LIMCH1: variants seen among roughly 807,000 people sequenced by gnomAD.
LIMCH1 encodes LIM and calponin homology domains 1.
Under a neutral mutation model 176.5 loss-of-function variants are expected in LIMCH1, and 113 were observed. That is an observed-to-expected ratio of 0.64 (90% confidence interval 0.55 to 0.75). LIMCH1 has a LOEUF of 0.75. Ranked by LOEUF, LIMCH1 falls within the 30% of genes least tolerant of loss-of-function variation. LIMCH1 has a pLI of 0.00. For missense variants in LIMCH1, 1,674 were observed against 1,814.9 expected, an observed-to-expected ratio of 0.92 and a Z score of 1.41; for synonymous variants, 619 against 645.9, an observed-to-expected ratio of 0.96 and a Z score of 0.63.
At chr4:41,471,322 C>G (rs2066928097) in intron 1 of LIMCH1, among the ~76,000 whole-genome samples, 1 of 152,176 alleles carries the variant, frequency 6.6e-6, no homozygotes, top group African/African-American at 2.4e-5. Flanking sequence ...GCTTTAGAAG[C>G]TGACTCACCT....
intron 1 of LIMCH1, among the ~76,000 whole-genome samples, chr4:41,362,781 T>C (rs1165291728): frequency 6.6e-6 from 1 of 152,180 alleles, no homozygotes; most frequent in African/African-American, 2.4e-5. Flanking sequence ...TTTTAAGTGG[T>C]AGTATATTTC....
rs772913435 is a variant in LIMCH1, at chr4:41,697,194, T to C, written c.*9T>C. On this transcript the variant is annotated 3_prime_UTR_variant, in exon 32 of 32. Transcript: ENST00000503057. ...AGCCTACAACATTGTGACACGGCTT[T>C]CAAGCTTCCGGATCACTCACCATTT... The C allele has an allele frequency of 6.2e-7, 1 of 1,613,540 alleles. No homozygotes were observed. Among genetic ancestry groups the C allele is most frequent in the Non-Finnish European group, 8.5e-7 (1 of 1,179,522 alleles).
chr4:41,595,951 G>A (rs1165476638), intron 1 of LIMCH1, among the ~76,000 whole-genome samples: 1 of 151,538 alleles, frequency 6.6e-6, no homozygotes, highest in South Asian at 2.1e-4. Flanking sequence ...TCAGGAGGCT[G>A]AGGCAGTAGA....
intron 22 of LIMCH1, 91 bp downstream of exon 22, chr4:41,671,685 G>A: frequency 2.0e-6 from 2 of 990,654 alleles, no homozygotes; most frequent in Non-Finnish European, 3.2e-6. Context: ...CAGGCCGGGT[G>A]CAGGCGGTGG....
chr4:41,592,026 T>C (rs2087688185), intron 1 of LIMCH1, among the ~76,000 whole-genome samples: 1 of 152,208 alleles, frequency 6.6e-6, no homozygotes, highest in African/African-American at 2.4e-5. Context: ...TTGCTTGCCT[T>C]CTGAAGAAAA....
chr4:41,567,880 C>T (rs541517047), intron 1 of LIMCH1, among the ~76,000 whole-genome samples: 8 of 152,288 alleles, frequency 5.3e-5, no homozygotes, highest in African/African-American at 9.6e-5. Flanking sequence ...ATAGGCCGGG[C>T]GTGGTGGCTC....
At chr4:41,641,479 A>AG (rs770032006) in intron 14 of LIMCH1, among the ~76,000 whole-genome samples, 1 of 151,700 alleles carries the variant, frequency 6.6e-6, no homozygotes, top group Non-Finnish European at 1.5e-5. Context: ...AAAAATCTTG[A>AG]GAAAAAAAAT....
chr4:41,635,153 G>C (rs897685403), intron 13 of LIMCH1, among the ~76,000 whole-genome samples: 3 of 152,062 alleles, frequency 2.0e-5, no homozygotes, highest in Non-Finnish European at 4.4e-5. Context: ...CTCTGTCAGA[G>C]TGGAAAACCA....
At position 41,666,634 on chromosome 4, in the gene LIMCH1, A is replaced by G. The variant is rs149292265; in HGVS notation, c.3365A>G (p.Asn1122Ser). ...FPFLDKMPEA[N>S]QLHLPNLNSQ... ...TTTCTGGACAAAATGCCTGAAGCCA[A>G]CCAACTACATTTGCCAAATCTCAAT... The change falls in exon 21 of 32, where the codon AAC becomes AGC. Residue 1122 changes from asparagine (N) to serine (S), a missense_variant. By Grantham distance (46) the Asn-to-Ser change is conservative (BLOSUM62 1). Coordinates refer to ENST00000503057, the MANE Select transcript of LIMCH1 (RefSeq NM_001330672.2). The G allele has an allele frequency of 3.8e-5, 61 of 1,613,892 alleles. No individual in the cohort carries two copies. The African/African-American group carries it at 7.9e-4, about 21-fold the overall frequency.
chr4:41,564,643 C>G (rs556156001), intron 1 of LIMCH1, among the ~76,000 whole-genome samples: 2 of 152,172 alleles, frequency 1.3e-5, no homozygotes, highest in African/African-American at 4.8e-5. Flanking sequence ...TGACTGATGT[C>G]AGTTCTCACT....
In LIMCH1 at chr4:41,571,989, T is replaced by A. The variant is rs372528849; in HGVS notation, c.-240-26931T>A. ...ATATTTGAGACTGGGGATATTTTAA[T>A]CTCCAATGATTTCTACCTAAGCGTG... On this transcript the variant is annotated intron_variant, in intron 1 of 31. Coordinates refer to ENST00000503057, the MANE Select transcript of LIMCH1 (RefSeq NM_001330672.2). Among the ~76,000 whole-genome samples the A allele has an allele frequency of 7.9e-5, 12 of 152,302 alleles. No homozygotes were observed. The East Asian group carries it at 2.1e-3, about 27-fold the overall frequency.
chr4:41,476,528 T>G (rs912301194), intron 1 of LIMCH1, among the ~76,000 whole-genome samples: 7 of 152,230 alleles, frequency 4.6e-5, no homozygotes, highest in African/African-American at 1.7e-4. Context: ...TGCTCAGTGA[T>G]GAATGGCATT....
intron 13 of LIMCH1, among the ~76,000 whole-genome samples, chr4:41,635,298 T>A (rs1180706783): frequency 6.6e-6 from 1 of 151,798 alleles, no homozygotes; most frequent in African/African-American, 2.4e-5. Flanking sequence ...CAGGGCCCGA[T>A]CTCAGCTCAC....
intron 1 of LIMCH1, among the ~76,000 whole-genome samples, chr4:41,378,923 A>G (rs552511232): frequency 1.3e-5 from 2 of 152,316 alleles, no homozygotes; most frequent in African/African-American, 2.4e-5. Context: ...GGAATGATGG[A>G]TAAAACAAGT....
chr4:41,614,438 T>A (rs2091837395), intron 5 of LIMCH1, among the ~76,000 whole-genome samples: 1 of 152,212 alleles, frequency 6.6e-6, no homozygotes, highest in Non-Finnish European at 1.5e-5. Context: ...TCTACATATA[T>A]AAACTTGCGG....
intron 1 of LIMCH1, among the ~76,000 whole-genome samples, chr4:41,431,997 AG>A (rs1404938674): frequency 2.0e-5 from 3 of 152,210 alleles, no homozygotes; most frequent in African/African-American, 7.2e-5. Flanking sequence ...CCACTCTGTA[AG>A]GCAGCTATGA....
chr4:41,650,692 A>G, intron 18 of LIMCH1, 84 bp downstream of exon 18: 1 of 1,133,580 alleles, frequency 8.8e-7, no homozygotes. Context: ...AGGTCATGAT[A>G]ATGACCATTT....
At chr4:41,377,067 G>C (rs2154100648) in intron 1 of LIMCH1, among the ~76,000 whole-genome samples, 1 of 152,266 alleles carries the variant, frequency 6.6e-6, no homozygotes, top group Non-Finnish European at 1.5e-5. Context: ...TCAGATGTAT[G>C]TACAATATTG....
chr4:41,453,044 C>T (rs1261220951), intron 1 of LIMCH1, among the ~76,000 whole-genome samples: 2 of 152,104 alleles, frequency 1.3e-5, no homozygotes, highest in Admixed American at 6.5e-5. Flanking sequence ...ATACTCAGTG[C>T]TGTTGCTGAC....
Sources: gnomAD v4.1 joint callset for allele counts (sites outside exome capture counted in the v4.1 genomes callset) on GRCh38, gnomAD v4.1.1 for gene constraint, MANE v1.5 for transcripts, NCBI Gene and HGNC (gene_info 2026-07-23, HGNC 2026-07-21) for gene names.